The following CNTN4 variants were observed in gnomAD, a reference collection of about 807,000 sequenced individuals.
CNTN4 encodes the protein contactin-4.
Under a neutral mutation model 122.5 loss-of-function variants are expected in CNTN4, and 77 were observed. The ratio of observed to expected loss-of-function variants is 0.63; its 90% confidence interval spans 0.52 to 0.76. CNTN4 has a LOEUF of 0.76. CNTN4 is among the 30% of genes least tolerant of loss of function. CNTN4 has a pLI of 0.00. For missense variants in CNTN4, 1,256 were observed against 1,259.1 expected, an observed-to-expected ratio of 1.00 and a Z score of 0.04; for synonymous variants, 512 against 447.0, an observed-to-expected ratio of 1.15 and a Z score of -1.83.
intron 15 of CNTN4, among the ~76,000 whole-genome samples, chr3:3,026,627 C>CAT (rs1698745611): frequency 6.6e-6 from 1 of 152,100 alleles, no homozygotes. Context: ...CATATCATAT[C>CAT]ATATATCCTA....
chr3:2,819,667 G>T, intron 7 of CNTN4, 86 bp downstream of exon 7: 1 of 1,002,742 alleles, frequency 1.0e-6, no homozygotes, highest in Non-Finnish European at 1.6e-6. Flanking sequence ...CCAGCTGAGT[G>T]CACAGTGTCA....
intron 2 of CNTN4, among the ~76,000 whole-genome samples, chr3:2,323,452 T>C (rs1281742496): frequency 6.6e-6 from 1 of 152,176 alleles, no homozygotes; most frequent in Non-Finnish European, 1.5e-5. Flanking sequence ...TTACTTAACT[T>C]TTGTACAGAC....
intron 3 of CNTN4, among the ~76,000 whole-genome samples, chr3:2,461,105 C>T (rs1407367651): frequency 6.6e-6 from 1 of 152,086 alleles, no homozygotes; most frequent in Non-Finnish European, 1.5e-5. Flanking sequence ...TTCCAAGGAA[C>T]CTTGAGGCCC....
chr3:3,047,344 G>A (rs916960168), intron 23 of CNTN4, among the ~76,000 whole-genome samples: 5 of 151,718 alleles, frequency 3.3e-5, no homozygotes, highest in Admixed American at 6.6e-5. Context: ...GCACCACATC[G>A]CACTTATTCC....
At chr3:2,743,200 T>C (rs1559454677) in intron 5 of CNTN4, among the ~76,000 whole-genome samples, 1 of 152,262 alleles carries the variant, frequency 6.6e-6, no homozygotes, top group East Asian at 1.9e-4. Flanking sequence ...GTTCTTAGAT[T>C]TGTCATATTA....
chr3:2,454,997 C>G (rs933922018), intron 3 of CNTN4, among the ~76,000 whole-genome samples: 1 of 151,968 alleles, frequency 6.6e-6, no homozygotes, highest in Non-Finnish European at 1.5e-5. Context: ...AAGGAGCAGC[C>G]AAATCACTAA....
intron 2 of CNTN4, among the ~76,000 whole-genome samples, chr3:2,134,241 CT>C (rs1412987198): frequency 2.6e-5 from 4 of 152,174 alleles, no homozygotes; most frequent in African/African-American, 9.7e-5. Context: ...ACCCTTGAAA[CT>C]TTTTATTAAT....
intron 3 of CNTN4, among the ~76,000 whole-genome samples, chr3:2,460,029 G>A (rs114988112): frequency 0.01 from 1,529 of 152,126 alleles, 37 homozygotes; most frequent in African/African-American, 0.035. Flanking sequence ...TGTTACATGA[G>A]TTGCATCTTA....
chr3:2,320,359 A>G (rs980397149), intron 2 of CNTN4, among the ~76,000 whole-genome samples: 1 of 152,202 alleles, frequency 6.6e-6, no homozygotes, highest in Non-Finnish European at 1.5e-5. Context: ...ATAGTAATAT[A>G]AGATAGGAAA....
chr3:2,930,692 G>A (rs2094512601), intron 13 of CNTN4, among the ~76,000 whole-genome samples: 1 of 152,168 alleles, frequency 6.6e-6, no homozygotes, highest in Non-Finnish European at 1.5e-5. Context: ...CATGTCGCAG[G>A]CTTGGGTTTA....
chr3:3,052,614 T>G (rs914483911), intron 23 of CNTN4, among the ~76,000 whole-genome samples: 1 of 152,120 alleles, frequency 6.6e-6, no homozygotes, highest in Non-Finnish European at 1.5e-5. Context: ...CTGATTGGAG[T>G]AAATCCAATC....
intron 2 of CNTN4, among the ~76,000 whole-genome samples, chr3:2,332,054 C>G (rs1010995732): frequency 2.0e-5 from 3 of 152,132 alleles, no homozygotes; most frequent in Non-Finnish European, 2.9e-5. Context: ...TCTCTTGAAC[C>G]TGGTGCCATC....
At chr3:2,747,297 T>C (rs2089831445) in intron 6 of CNTN4, among the ~76,000 whole-genome samples, 1 of 151,320 alleles carries the variant, frequency 6.6e-6, no homozygotes, top group Non-Finnish European at 1.5e-5. Context: ...TAGTCCCAGC[T>C]GCTCGGGAGG....
At chr3:2,474,046 C>A (rs1405549782) in intron 3 of CNTN4, among the ~76,000 whole-genome samples, 1 of 151,898 alleles carries the variant, frequency 6.6e-6, no homozygotes, top group Non-Finnish European at 1.5e-5. Context: ...AAGTCTTCCT[C>A]ATTTCCCTTC....
At chr3:2,487,255 C>T (rs531388710) in intron 3 of CNTN4, among the ~76,000 whole-genome samples, 1 of 152,134 alleles carries the variant, frequency 6.6e-6, no homozygotes, top group Non-Finnish European at 1.5e-5. Flanking sequence ...CTTTTCTCTG[C>T]TTATGTATAA....
intron 3 of CNTN4, among the ~76,000 whole-genome samples, chr3:2,389,415 G>A (rs901636881): frequency 1.3e-5 from 2 of 151,526 alleles, no homozygotes; most frequent in African/African-American, 4.9e-5. Context: ...TGTTGTTCTC[G>A]AAGAAAGGTG....
At chr3:2,591,129 G>A (rs1248687412) in intron 4 of CNTN4, among the ~76,000 whole-genome samples, 3 of 152,130 alleles carry the variant, frequency 2.0e-5, no homozygotes, top group African/African-American at 7.2e-5. Flanking sequence ...TAACTCGCTT[G>A]TGCATCTCAC....
chr3:2,884,468 T>C (rs1003543635), intron 9 of CNTN4, among the ~76,000 whole-genome samples: 5 of 152,184 alleles, frequency 3.3e-5, no homozygotes. Flanking sequence ...AAACTTATCA[T>C]ATTAAATAAA....
intron 3 of CNTN4, among the ~76,000 whole-genome samples, chr3:2,434,993 G>A (rs927324666): frequency 6.6e-6 from 1 of 152,016 alleles, no homozygotes; most frequent in African/African-American, 2.4e-5. Flanking sequence ...CACAAGAAGG[G>A]CTTTTTCAAA....
Sources: gnomAD v4.1 joint callset for allele counts (sites outside exome capture counted in the v4.1 genomes callset) on GRCh38, gnomAD v4.1.1 for gene constraint, MANE v1.5 for transcripts, NCBI Gene and HGNC (gene_info 2026-07-23, HGNC 2026-07-21) for gene names.